SLC14A2: variants seen among roughly 807,000 people sequenced by gnomAD.
SLC14A2 encodes solute carrier family 14 member 2, also known as urea transporter 2.
SLC14A2 carries 91 observed loss-of-function variants against 104.6 expected under a neutral mutation model. That is an observed-to-expected ratio of 0.87 (90% CI 0.73 to 1.04). SLC14A2 has a LOEUF of 1.04. Among genes scored for constraint, SLC14A2 ranks in the 50% least tolerant of loss-of-function variants. The pLI is 0.00. For missense variants in SLC14A2, 1,189 were observed against 1,156.0 expected (o/e 1.03, Z -0.41); for synonymous variants, 476 against 466.4 (o/e 1.02, Z -0.27).
At chr18:45,565,747 G>A (rs904929628) in intron 2 of SLC14A2, among the ~76,000 whole-genome samples, 27 of 152,238 alleles carry the variant, frequency 1.8e-4, no homozygotes, top group Middle Eastern at 3.4e-3. Context: ...GCCCTGACCC[G>A]CTTCTCCACA....
intron 1 of SLC14A2, among the ~76,000 whole-genome samples, chr18:45,357,175 A>G (rs2085562684): frequency 6.6e-6 from 1 of 151,444 alleles, no homozygotes; most frequent in Admixed American, 6.6e-5. Flanking sequence ...AGACTAAGAC[A>G]ACAGCTTTTC....
intron 1 of SLC14A2, among the ~76,000 whole-genome samples, chr18:45,264,153 T>C (rs1483615965): frequency 6.6e-6 from 1 of 152,216 alleles, no homozygotes; most frequent in African/African-American, 2.4e-5. Context: ...AACTATCAGA[T>C]ATCAGTTCAT....
intron 1 of SLC14A2, among the ~76,000 whole-genome samples, chr18:45,328,146 C>T (rs1330432016): frequency 1.3e-5 from 2 of 152,220 alleles, no homozygotes; most frequent in Non-Finnish European, 2.9e-5. Context: ...TCTGTTCCCT[C>T]TCCTCCTCAT....
At chr18:45,289,752 A>G (rs926086645) in intron 1 of SLC14A2, among the ~76,000 whole-genome samples, 2 of 152,156 alleles carry the variant, frequency 1.3e-5, no homozygotes, top group African/African-American at 4.8e-5. Context: ...CCTGGATGAA[A>G]TGTTAAGTCC....
intron 2 of SLC14A2, among the ~76,000 whole-genome samples, chr18:45,574,644 G>A (rs1176042732): frequency 6.6e-6 from 1 of 152,134 alleles, no homozygotes; most frequent in African/African-American, 2.4e-5. Context: ...ATACCATATG[G>A]GTAAATATGC....
intron 1 of SLC14A2, among the ~76,000 whole-genome samples, chr18:45,479,106 T>C (rs1363505402): frequency 6.6e-6 from 1 of 152,182 alleles, no homozygotes; most frequent in Non-Finnish European, 1.5e-5. Flanking sequence ...CAGCCCTTCC[T>C]CAACAAAGGT....
chr18:45,236,148 T>C (rs533855839), intron 1 of SLC14A2, among the ~76,000 whole-genome samples: 1 of 59,624 alleles, frequency 1.7e-5, no homozygotes, highest in Non-Finnish European at 3.0e-5. Context: ...TATATATACA[T>C]ATATGTGTGT....
chr18:45,306,755 G>A (rs1256785266), intron 1 of SLC14A2, among the ~76,000 whole-genome samples: 4 of 152,108 alleles, frequency 2.6e-5, no homozygotes, highest in Admixed American at 6.5e-5. Flanking sequence ...GCATTATCTC[G>A]GGAACCCGCT....
chr18:45,493,446 A>G lies in SLC14A2; in HGVS notation c.-35+10124A>G, dbSNP rs150634064. Among the ~76,000 whole-genome samples the G allele has an allele frequency of 2.9e-4, 44 of 152,362 alleles. 1 individual carries two copies. The highest frequency in any genetic ancestry group is 1.0e-3 in the African/African-American group (43 of 41,594). ...AAGATAGAATTCAATTGTTCATGGT[A>G]TATAGCTCATAATAGCAACACCTAT... is the stretch of plus-strand genomic sequence containing the variant. On this transcript the variant is annotated intron_variant, in intron 2 of 20. Transcript: ENST00000586448.
At chr18:45,429,279 T>A (rs892946555) in intron 1 of SLC14A2, among the ~76,000 whole-genome samples, 1 of 152,252 alleles carries the variant, frequency 6.6e-6, no homozygotes, top group African/African-American at 2.4e-5. Flanking sequence ...AATACTGTTA[T>A]GTTTTTTAAG....
At chr18:45,637,290 T>C in intron 6 of SLC14A2, 108 bp downstream of exon 6, 1 of 831,982 alleles carries the variant, frequency 1.2e-6, no homozygotes, top group Admixed American at 2.5e-5. Flanking sequence ...GAAACATCTA[T>C]ACCAGATGAT....
At chr18:45,248,865 C>T (rs2084393323) in intron 1 of SLC14A2, among the ~76,000 whole-genome samples, 1 of 152,160 alleles carries the variant, frequency 6.6e-6, no homozygotes, top group South Asian at 2.1e-4. Context: ...GGAAAAGCTT[C>T]CCTGAAAGGA....
At position 45,624,676 on chromosome 18, in the gene SLC14A2, C is replaced by A. The variant is rs1281964117; in HGVS notation, c.12C>A (p.Pro4=). MSD[P]HSSPLLPEPL... ...TGTGACCCGAAGGAATGTCTGACCC[C>A]CACAGCAGTCCTCTCCTGCCAGAGC... is the stretch of plus-strand genomic sequence containing the variant. The change falls in exon 2 of 20, where the codon CCC becomes CCA. Residue 4 remains proline (P), a synonymous_variant. Coordinates refer to ENST00000255226, the MANE Select transcript of SLC14A2 (RefSeq NM_007163.4). The A allele has an allele frequency of 1.9e-6, 3 of 1,611,730 alleles. No individual in the cohort carries two copies. Among genetic ancestry groups the A allele is most frequent in the Admixed American group, 1.7e-5 (1 of 59,670 alleles).
rs530112763 is a variant in SLC14A2, at chr18:45,395,261, A to C, written c.-124-87972A>C. Among the ~76,000 whole-genome samples, 17 of 152,318 alleles carry C rather than the reference A, an allele frequency of 1.1e-4. 1 individual carries two copies. In the South Asian group the frequency reaches 1.2e-3, roughly 11 times the overall value. On this transcript the variant is annotated intron_variant, in intron 1 of 20. Transcript: ENST00000586448. ...ATGGATGAGCTTTATAGACATGCTA[A>C]ATGAAAGAAGCCAGCCACAGAAGGA...
At position 45,477,143 on chromosome 18, in the gene SLC14A2, G is replaced by A. The variant is rs550642011; in HGVS notation, c.-124-6090G>A. ...TATCTACTTTTGGTCTTTGATGTTGGTGACCTTTGGATGGGGTTTTTGTGT... is the reference window on the plus strand; with the variant it reads ...TATCTACTTTTGGTCTTTGATGTTGATGACCTTTGGATGGGGTTTTTGTGT... On this transcript the variant is annotated intron_variant, in intron 1 of 20. Transcript: ENST00000586448. Among the ~76,000 whole-genome samples, 4 of 152,222 alleles carry A rather than the reference G, an allele frequency of 2.6e-5. 1 individual carries two copies. Among genetic ancestry groups the A allele is most frequent in the African/African-American group, 7.2e-5 (3 of 41,514 alleles).
At chr18:45,654,513 C>A (rs2045797528) in intron 10 of SLC14A2, among the ~76,000 whole-genome samples, 1 of 152,144 alleles carries the variant, frequency 6.6e-6, no homozygotes, top group Non-Finnish European at 1.5e-5. Context: ...CCACTTAATT[C>A]TTCAAAGGAA....
chr18:45,420,977 G>C (rs539047454), intron 1 of SLC14A2, among the ~76,000 whole-genome samples: 1 of 152,164 alleles, frequency 6.6e-6, no homozygotes, highest in Admixed American at 6.5e-5. Context: ...TTGACCTCGT[G>C]ATCTGCCCAC....
intron 2 of SLC14A2, among the ~76,000 whole-genome samples, chr18:45,597,846 A>G (rs2044735790): frequency 6.6e-6 from 1 of 152,178 alleles, no homozygotes. Flanking sequence ...AAGATGATGA[A>G]AAAAGTACAT....
chr18:45,493,984 A>T (rs1224101335), intron 2 of SLC14A2, among the ~76,000 whole-genome samples: 1 of 152,236 alleles, frequency 6.6e-6, no homozygotes, highest in Non-Finnish European at 1.5e-5. Context: ...ATTCCTGCCA[A>T]ATCATGTCTG....
Sources: allele counts gnomAD v4.1 joint callset (sites outside exome capture counted in the v4.1 genomes callset), GRCh38; gene constraint gnomAD v4.1.1; transcripts MANE v1.5; gene names NCBI Gene and HGNC (gene_info 2026-07-23, HGNC 2026-07-21).